Variants in OPCML observed in about 807,000 individuals in gnomAD.
OPCML encodes opioid binding protein/cell adhesion molecule like.
OPCML carries 13 observed loss-of-function variants against 37.8 expected under a neutral mutation model. The ratio of observed to expected loss-of-function variants is 0.34; its 90% confidence interval spans 0.22 to 0.55. The LOEUF (loss-of-function observed/expected upper bound fraction) is 0.55. Among genes scored for constraint, OPCML ranks in the 20% least tolerant of loss-of-function variants. The pLI, the probability that OPCML is intolerant of heterozygous loss-of-function variation, is 0.91. For missense variants in OPCML, 341 were observed against 435.6 expected (o/e 0.78, Z 1.93); for synonymous variants, 176 against 168.8 (o/e 1.04, Z -0.33).
intron 2 of OPCML, among the ~76,000 whole-genome samples, chr11:132,826,733 C>T (rs567223364): frequency 6.6e-6 from 1 of 152,306 alleles, no homozygotes; most frequent in African/African-American, 2.4e-5. Flanking sequence ...TGCCTGATTT[C>T]TCTGAGTCTT....
chr11:132,848,949 T>C (rs967716800), intron 2 of OPCML, among the ~76,000 whole-genome samples: 1 of 152,192 alleles, frequency 6.6e-6, no homozygotes, highest in Non-Finnish European at 1.5e-5. Context: ...TTGGTGAAGA[T>C]AAATCACTAG....
In OPCML at chr11:132,524,077, G is replaced by A. The variant is rs58049947; in HGVS notation, c.505+4984C>T. Among the ~76,000 whole-genome samples the A allele has an allele frequency of 7.9e-3, 1,203 of 152,252 alleles. 23 individuals are homozygous for A. Among genetic ancestry groups the A allele is most frequent in the African/African-American group, 0.028 (1,157 of 41,542 alleles). ...AGGTGTGTGAGGCATCGCAGTGGAC[G>A]ACTATGGCATTGCAAGAGGGGACGA... On this transcript the variant is annotated intron_variant, in intron 4 of 7. Coordinates refer to ENST00000524381, the MANE Select transcript of OPCML (RefSeq NM_001012393.5).
At chr11:132,908,806 A>T (rs1210706054) in intron 2 of OPCML, among the ~76,000 whole-genome samples, 1 of 152,234 alleles carries the variant, frequency 6.6e-6, no homozygotes, top group Non-Finnish European at 1.5e-5. Flanking sequence ...GGAGCCTCAG[A>T]CAGGAGTCTA....
intron 7 of OPCML, among the ~76,000 whole-genome samples, chr11:132,430,824 C>T (rs908453130): frequency 6.6e-6 from 1 of 152,190 alleles, no homozygotes; most frequent in East Asian, 1.9e-4. Flanking sequence ...CAGGCGTTTA[C>T]ATGCCTCATT....
chr11:133,507,640 G>C lies in OPCML; in HGVS notation c.61+24624C>G, dbSNP rs532631829. Among the ~76,000 whole-genome samples, 6 of 152,274 alleles carry C rather than the reference G, an allele frequency of 3.9e-5. No homozygotes were observed. In the East Asian group the frequency reaches 1.2e-3, roughly 29 times the overall value. On this transcript the variant is annotated intron_variant, in intron 1 of 7. Coordinates refer to ENST00000524381, the MANE Select transcript of OPCML (RefSeq NM_001012393.5). ...AGACAGTTGTAGAAGTGGCCACTGAGAGAATAAATCCTTAAAATCTCAGGC... is the reference window on the plus strand; with the variant it reads ...AGACAGTTGTAGAAGTGGCCACTGACAGAATAAATCCTTAAAATCTCAGGC...
chr11:132,606,416 T>C (rs1268404075), intron 3 of OPCML, among the ~76,000 whole-genome samples: 1 of 152,164 alleles, frequency 6.6e-6, no homozygotes, highest in African/African-American at 2.4e-5. Flanking sequence ...GTCTTAGACC[T>C]CCGCTGCCTG....
chr11:132,706,769 T>C (rs538444405), intron 2 of OPCML, among the ~76,000 whole-genome samples: 8 of 152,328 alleles, frequency 5.3e-5, no homozygotes, highest in African/African-American at 1.9e-4. Flanking sequence ...CCTGGTAAAC[T>C]GGTAGTGTGC....
intron 2 of OPCML, among the ~76,000 whole-genome samples, chr11:132,728,960 G>C (rs1944979594): frequency 6.6e-6 from 1 of 152,096 alleles, no homozygotes; most frequent in African/African-American, 2.4e-5. Flanking sequence ...GTAGATGGAG[G>C]AGAAAGACAA....
At chr11:133,100,291 A>C (rs1003056265) in intron 1 of OPCML, among the ~76,000 whole-genome samples, 2 of 152,230 alleles carry the variant, frequency 1.3e-5, no homozygotes, top group Non-Finnish European at 2.9e-5. Flanking sequence ...CATGTAAAAA[A>C]TCTGCACAAG....
At chr11:133,457,685 T>C (rs1045595958) in intron 1 of OPCML, among the ~76,000 whole-genome samples, 19 of 152,278 alleles carry the variant, frequency 1.2e-4, no homozygotes, top group Admixed American at 7.8e-4. Flanking sequence ...TCACTCTGTA[T>C]TATAATTCTC....
intron 1 of OPCML, among the ~76,000 whole-genome samples, chr11:133,219,615 A>G (rs1055440749): frequency 2.6e-5 from 4 of 152,146 alleles, no homozygotes; most frequent in African/African-American, 9.7e-5. Flanking sequence ...CAGTGTGATG[A>G]GAAGACTTGT....
intron 3 of OPCML, among the ~76,000 whole-genome samples, chr11:132,588,639 A>C (rs566232888): frequency 4.3e-4 from 66 of 152,308 alleles, no homozygotes; most frequent in African/African-American, 1.5e-3. Flanking sequence ...ACAGTAGCTC[A>C]GAACTGAGTT....
intron 3 of OPCML, among the ~76,000 whole-genome samples, chr11:132,643,957 A>C (rs1489512403): frequency 6.6e-6 from 1 of 152,224 alleles, no homozygotes; most frequent in African/African-American, 2.4e-5. Flanking sequence ...TGTACCTTGG[A>C]AATGACAAAC....
intron 1 of OPCML, among the ~76,000 whole-genome samples, chr11:133,126,592 A>G (rs527929492): frequency 4.8e-4 from 73 of 152,322 alleles, no homozygotes; most frequent in African/African-American, 1.7e-3. Flanking sequence ...TACTTTAGAC[A>G]TTATTAAAGA....
intron 3 of OPCML, among the ~76,000 whole-genome samples, chr11:132,553,017 G>A (rs1448374115): frequency 6.6e-6 from 1 of 152,002 alleles, no homozygotes; most frequent in African/African-American, 2.4e-5. Context: ...ACCCACCTTG[G>A]CCTCCCAAAG....
intron 1 of OPCML, among the ~76,000 whole-genome samples, chr11:133,507,681 A>G (rs2120592136): frequency 6.6e-6 from 1 of 152,312 alleles, no homozygotes; most frequent in East Asian, 1.9e-4. Context: ...ACAGTGGCTC[A>G]CGCTTGTAAT....
intron 1 of OPCML, among the ~76,000 whole-genome samples, chr11:133,042,235 C>T (rs1201948274): frequency 1.3e-5 from 2 of 152,238 alleles, no homozygotes; most frequent in Non-Finnish European, 2.9e-5. Context: ...CCTTACCCTC[C>T]ACACTCAGTA....
chr11:133,025,207 T>C lies in OPCML; in HGVS notation c.62-82197A>G, dbSNP rs1181183532. On this transcript the variant is annotated intron_variant, in intron 1 of 7. Transcript: ENST00000524381. The stretch of plus-strand genomic sequence containing the variant: ...CGCAAATATGGGGTGACTTATTCTA[T>C]AGTTCATAGAAATGTAAATTATTTT... 4 of 639,108 alleles carry C rather than the reference T, an allele frequency of 6.3e-6. No homozygotes were observed. In the African/African-American group the frequency reaches 7.9e-5, roughly 13 times the overall value. 39.6% of individuals were successfully genotyped at this position (639,108 alleles called of 1,614,324 possible). A position where few individuals can be genotyped will look rare whatever the true frequency, so the allele number is the denominator to read the frequency against.
intron 1 of OPCML, among the ~76,000 whole-genome samples, chr11:133,091,184 T>A (rs566575835): frequency 6.6e-6 from 1 of 152,278 alleles, no homozygotes; most frequent in Non-Finnish European, 1.5e-5. Context: ...TCAGCTTTGG[T>A]GGTGTCCACA....
Sources: allele counts gnomAD v4.1 joint callset (sites outside exome capture counted in the v4.1 genomes callset), GRCh38; gene constraint gnomAD v4.1.1; transcripts MANE v1.5; gene names NCBI Gene and HGNC (gene_info 2026-07-23, HGNC 2026-07-21).